The following PRDM2 variants were observed in gnomAD, a reference collection of about 807,000 sequenced individuals.
The protein encoded by PRDM2 is PR domain zinc finger protein 2.
PRDM2 carries 30 observed loss-of-function variants against 130.0 expected under a neutral mutation model. That is an observed-to-expected ratio of 0.23 (90% CI 0.17 to 0.31). PRDM2 has a LOEUF of 0.31. Ranked by LOEUF, PRDM2 falls within the 10% of genes least tolerant of loss-of-function variation. The probability of loss-of-function intolerance (pLI) is 1.00; values close to 1 mark genes in which losing one functional copy is unlikely to be tolerated. For missense variants in PRDM2, 2,011 were observed against 2,108.4 expected (o/e 0.95, Z 0.90); for synonymous variants, 871 against 782.4 (o/e 1.11, Z -1.89).
At chr1:13,732,176 C>A (rs1234409535) in intron 3 of PRDM2, among the ~76,000 whole-genome samples, 1 of 152,096 alleles carries the variant, frequency 6.6e-6, no homozygotes, top group Non-Finnish European at 1.5e-5. Flanking sequence ...AGAAACAACC[C>A]TAAGAATACT....
chr1:13,738,956 G>T (rs1052377984), intron 4 of PRDM2: 2 of 150,064 alleles, frequency 1.3e-5, no homozygotes, highest in African/African-American at 4.9e-5. Context: ...GTATTTTCTC[G>T]GTAGCAATGT....
intron 6 of PRDM2, among the ~76,000 whole-genome samples, chr1:13,752,836 T>G (rs1160501068): frequency 6.6e-6 from 1 of 152,194 alleles, no homozygotes; most frequent in Non-Finnish European, 1.5e-5. Flanking sequence ...AGATGAAGTT[T>G]CCCTAGCCTT....
chr1:13,816,683 G>A, intron 9 of PRDM2, 113 bp downstream of exon 9: 3 of 1,384,908 alleles, frequency 2.2e-6, no homozygotes, highest in South Asian at 1.4e-5. Flanking sequence ...GATTGCTTGT[G>A]TGTACCAGGC....
At chr1:13,707,400 A>T (rs78158099) in intron 1 of PRDM2, among the ~76,000 whole-genome samples, 1 of 152,334 alleles carries the variant, frequency 6.6e-6, no homozygotes, top group East Asian at 1.9e-4. Flanking sequence ...TCAACTGAGG[A>T]TTCATTTTGT....
At chr1:13,758,838 A>AT (rs1227840299) in intron 6 of PRDM2, among the ~76,000 whole-genome samples, 1 of 152,152 alleles carries the variant, frequency 6.6e-6, no homozygotes, top group Non-Finnish European at 1.5e-5. Context: ...AGTACATACC[A>AT]TTTTTTATTT....
At chr1:13,713,260 A>G (rs988710471) in intron 1 of PRDM2, among the ~76,000 whole-genome samples, 5 of 152,228 alleles carry the variant, frequency 3.3e-5, no homozygotes, top group African/African-American at 1.2e-4. Context: ...AAGGGCAGTG[A>G]TCTTCCTCCT....
intron 6 of PRDM2, among the ~76,000 whole-genome samples, chr1:13,756,814 G>C (rs1216760668): frequency 6.6e-6 from 1 of 152,144 alleles, no homozygotes; most frequent in South Asian, 2.1e-4. Flanking sequence ...GCATTATGTT[G>C]GTTGCTCTGT....
At chr1:13,816,678 C>T (rs1174686337) in intron 9 of PRDM2, 108 bp downstream of exon 9, 1 of 1,408,548 alleles carries the variant, frequency 7.1e-7, no homozygotes, top group Non-Finnish European at 9.6e-7. Flanking sequence ...GGTGTGATTG[C>T]TTGTGTGTAC....
chr1:13,741,498 C>A (rs1643438491), intron 4 of PRDM2, among the ~76,000 whole-genome samples: 1 of 152,144 alleles, frequency 6.6e-6, no homozygotes, highest in South Asian at 2.1e-4. Context: ...GCCACCTCTG[C>A]CAGAAAGGGA....
At position 13,749,263 on chromosome 1, in the gene PRDM2, C is replaced by T. The variant is rs1643722711; in HGVS notation, c.385-98C>T. 7.8e-6 allele frequency: 9 copies of T among 1,150,500 alleles called. No individual in the cohort carries two copies. In the South Asian group the frequency reaches 1.6e-4, roughly 21 times the overall value. 71.3% of individuals were successfully genotyped at this position (1,150,500 alleles called of 1,614,324 possible). A position where few individuals can be genotyped will look rare whatever the true frequency, so the allele number is the denominator to read the frequency against. On this transcript the variant is annotated intron_variant, in intron 5 of 9. Coordinates refer to ENST00000311066, the MANE Select transcript of PRDM2 (RefSeq NM_001393986.1). The stretch of plus-strand genomic sequence containing the variant: ...CGCGGCGCCGCCGACAGCTGTTTGC[C>T]ATCGGCGCCGCTCCCGCCCGCGTCC...
rs773206189 is a variant in PRDM2, at chr1:13,780,626, T to C, written c.2831T>C (p.Val944Ala). 1 of 1,613,714 alleles carries C rather than the reference T, an allele frequency of 6.2e-7. No individual in the cohort carries two copies. Among genetic ancestry groups the C allele is most frequent in the Non-Finnish European group, 8.5e-7 (1 of 1,179,828 alleles). ...CCTACTGTTGAGTCCACACCTGATG[T>C]TTGTCCTTCATCACCTGCCCTGCAG... ...PAPTVESTPD[V>A]CPSSPALQTP... The change falls in exon 8 of 10, where the codon GTT (valine) becomes GCT (alanine). Residue 944 changes from valine to alanine, a missense_variant. Physicochemically the swap from Val to Ala is moderately conservative, Grantham distance 64. This residue lies in a region of PRDM2 where 1,288 missense variants were observed against 1,237.7 expected (regional missense o/e 1.04). Transcript: ENST00000311066.
At chr1:13,750,090 GTGT>G (rs1040399451) in intron 6 of PRDM2, among the ~76,000 whole-genome samples, 1 of 152,212 alleles carries the variant, frequency 6.6e-6, no homozygotes, top group African/African-American at 2.4e-5. Flanking sequence ...GTTAGAGAGC[GTGT>G]TGTTTTGTCG....
chr1:13,794,446 A>G lies in PRDM2; in HGVS notation c.5036+11615A>G, dbSNP rs573942644. Among the ~76,000 whole-genome samples, 3 of 152,322 alleles carry G rather than the reference A, an allele frequency of 2.0e-5. No individual in the cohort carries two copies. In the South Asian group the frequency reaches 6.2e-4, roughly 32 times the overall value. On this transcript the variant is annotated intron_variant, in intron 8 of 9. Transcript: ENST00000311066. The stretch of plus-strand genomic sequence containing the variant: ...ACTGCTGCGTTCCCAGCATCTATTA[A>G]TAGAATGGAGCCTGGCATGTAGTAG...
chr1:13,736,051 C>A (rs1242750480), intron 4 of PRDM2, among the ~76,000 whole-genome samples: 1 of 150,406 alleles, frequency 6.6e-6, no homozygotes, highest in Non-Finnish European at 1.5e-5. Context: ...CTTTTTTTTT[C>A]TTTCAGTATC....
At chr1:13,775,224 G>T (rs1183208703) in intron 7 of PRDM2, among the ~76,000 whole-genome samples, 1 of 152,148 alleles carries the variant, frequency 6.6e-6, no homozygotes, top group Non-Finnish European at 1.5e-5. Flanking sequence ...TGCAGACTTC[G>T]GTTTATGTTA....
intron 2 of PRDM2, among the ~76,000 whole-genome samples, chr1:13,723,713 T>G (rs758665170): frequency 1.3e-5 from 2 of 152,370 alleles, no homozygotes; most frequent in East Asian, 3.9e-4. Flanking sequence ...TTCTCTCCTC[T>G]GCTTTCCATC....
At chr1:13,734,245 A>G (rs1643199484) in intron 4 of PRDM2, among the ~76,000 whole-genome samples, 1 of 152,244 alleles carries the variant, frequency 6.6e-6, no homozygotes, top group Admixed American at 6.5e-5. Flanking sequence ...ACTAAAGATA[A>G]TGCCTGCATG....
chr1:13,788,493 A>C (rs114937447), intron 8 of PRDM2, among the ~76,000 whole-genome samples: 1,892 of 152,378 alleles, frequency 0.012, 23 homozygotes, highest in South Asian at 0.035. Flanking sequence ...TTTTAAGATT[A>C]AAAATGGCTG....
intron 8 of PRDM2, among the ~76,000 whole-genome samples, chr1:13,805,209 T>A (rs1368242449): frequency 6.6e-6 from 1 of 152,162 alleles, no homozygotes; most frequent in Non-Finnish European, 1.5e-5. Context: ...GATGATGTTT[T>A]TTTCCCCCTT....
Sources: allele counts gnomAD v4.1 joint callset (sites outside exome capture counted in the v4.1 genomes callset), GRCh38; gene constraint gnomAD v4.1.1; regional missense constraint gnomAD v4.1.1; transcripts MANE v1.5; gene names NCBI Gene and HGNC (gene_info 2026-07-23, HGNC 2026-07-21).